The following TMEM19 variants were observed in gnomAD, a reference collection of about 807,000 sequenced individuals.
TMEM19 encodes the protein transmembrane protein 19.
TMEM19 carries 21 observed loss-of-function variants against 33.6 expected under a neutral mutation model. The ratio of observed to expected loss-of-function variants is 0.62; its 90% CI spans 0.44 to 0.90. TMEM19 has a LOEUF of 0.90. TMEM19 is among the 40% of genes least tolerant of loss of function. The pLI, the probability that TMEM19 is intolerant of heterozygous loss-of-function variation, is 0.00. For synonymous variants in TMEM19, 149 were observed against 147.5 expected, an observed-to-expected ratio of 1.01 and a Z score of -0.07; for missense variants, 402 against 401.8, an observed-to-expected ratio of 1.00 and a Z score of 0.00.
At position 71,703,889 on chromosome 12, in the gene TMEM19, T is replaced by C; in HGVS notation, c.*2894T>C. On this transcript the variant is annotated 3_prime_UTR_variant, in exon 6 of 6. Transcript: ENST00000266673. ...GAAATTGTGTCTCTGTCCTTTTTTT[T>C]TTTTTTTGTTAAGTCTTACATGTAT... 1.2e-5 allele frequency: 3 copies of C among 244,270 alleles called. No homozygotes were observed. Among genetic ancestry groups the C allele is most frequent in the South Asian group, 1.2e-4 (3 of 25,002 alleles). The allele number at this position is 244,270 out of a possible 1,614,324, so 15.1% of individuals were successfully genotyped here. A position where few individuals can be genotyped will look rare whatever the true frequency, so the allele number is the denominator to read the frequency against.
chr12:71,691,246 A>G (rs1881780156), intron 2 of TMEM19, among the ~76,000 whole-genome samples: 1 of 152,196 alleles, frequency 6.6e-6, no homozygotes, highest in Admixed American at 6.5e-5. Context: ...GGGGTAATTG[A>G]GAATTAAAGT....
rs1881698615 is a variant in TMEM19 at position 71,686,817 on chromosome 12, C to CT, written c.130+8dup. 6.3e-7 allele frequency: 1 copy of CT among 1,598,018 alleles called. No individual in the cohort carries two copies. Among genetic ancestry groups the CT allele is most frequent in the African/African-American group, 1.3e-5 (1 of 74,126 alleles). ...ACTGCAAGCACCTATTATGGTAAGTCTGAGTGTTCTAAGTTGTTTCTCTGT... is the reference window on the plus strand; with the variant it reads ...ACTGCAAGCACCTATTATGGTAAGTCTTGAGTGTTCTAAGTTGTTTCTCTGT... On this transcript the variant is annotated splice_region_variant and intron_variant, in intron 1 of 5. Coordinates refer to ENST00000266673, the MANE Select transcript of TMEM19 (RefSeq NM_018279.4).
intron 1 of TMEM19, among the ~76,000 whole-genome samples, chr12:71,687,316 C>T (rs1298295131): frequency 5.3e-5 from 8 of 152,294 alleles, no homozygotes; most frequent in East Asian, 1.9e-4. Context: ...CGGTGGCTCA[C>T]GCCTGTTATC....
chr12:71,697,647 A>G, intron 4 of TMEM19, 113 bp downstream of exon 4: 3 of 1,345,074 alleles, frequency 2.2e-6, no homozygotes, highest in Non-Finnish European at 3.0e-6. Flanking sequence ...AGAGCCTTTT[A>G]AGAACTTTAT....
intron 2 of TMEM19, among the ~76,000 whole-genome samples, chr12:71,695,133 G>T (rs1279585504): frequency 6.6e-6 from 1 of 152,188 alleles, no homozygotes; most frequent in Non-Finnish European, 1.5e-5. Context: ...GGAGATAGCA[G>T]TTACTAATCT....
chr12:71,693,246 T>C (rs1212808501), intron 2 of TMEM19, among the ~76,000 whole-genome samples: 1 of 151,750 alleles, frequency 6.6e-6, no homozygotes, highest in African/African-American at 2.4e-5. Context: ...ACCCAGGCTG[T>C]AGTGCAGTGA....
intron 2 of TMEM19, among the ~76,000 whole-genome samples, chr12:71,692,905 A>T (rs1412352375): frequency 1.3e-5 from 2 of 151,988 alleles, no homozygotes; most frequent in Non-Finnish European, 2.9e-5. Flanking sequence ...TGTAAAAAAA[A>T]AAATTATGGC....
In TMEM19 at chr12:71,698,916, T is replaced by C. The variant is rs761190487; in HGVS notation, c.654T>C (p.Val218=). The C allele has an allele frequency of 6.2e-7, 1 of 1,614,208 alleles. No individual in the cohort carries two copies. Among genetic ancestry groups the C allele is most frequent in the South Asian group, 1.1e-5 (1 of 91,086 alleles). The stretch of plus-strand genomic sequence containing the variant: ...CTTCTTCAGGTACCAATGGAGGAGT[T>C]ACAGTGGTGGGCCTTGTCTCCAGTC... ...EKVPVGTNGG[V]TVVGLVSSLL... is the part of the protein sequence containing the mutation. Residue 218 remains valine (V), a synonymous_variant, in exon 5 of 6, where the codon GTT becomes GTC. Transcript: ENST00000266673.
In TMEM19 at chr12:71,686,785, A is replaced by G. The variant is rs746025972; in HGVS notation, c.105A>G (p.Ile35Met). Reference protein sequence around the residue: ...IICISLAFWIISMTASTYYGN... With the variant: ...IICISLAFWIMSMTASTYYGN... ...GCATTTCGTTAGCTTTCTGGATTAT[A>G]TCAATGACTGCAAGCACCTATTATG... Residue 35 changes from isoleucine to methionine, a missense_variant, in exon 1 of 6, where the codon ATA becomes ATG. Transcript: ENST00000266673. 6.2e-7 allele frequency: 1 copy of G among 1,612,318 alleles called. No homozygotes were observed. The highest frequency in any genetic ancestry group is 2.2e-5 in the East Asian group (1 of 44,834).
Position 71,696,583 on chromosome 12 carries a change from T to C in TMEM19, c.382+10T>C. The stretch of plus-strand genomic sequence containing the variant: ...TCAGAATATAAGGAAGGTAAAATTA[T>C]GTTTGATATCATTCAAAATAGTAAA... On this transcript the variant is annotated intron_variant, in intron 3 of 5. Transcript: ENST00000266673. The C allele has an allele frequency of 1.3e-6, 2 of 1,582,722 alleles. No homozygotes were observed. Among genetic ancestry groups the C allele is most frequent in the Non-Finnish European group, 1.7e-6 (2 of 1,167,136 alleles).
chr12:71,697,506 G>T lies in TMEM19; in HGVS notation c.609G>T (p.Leu203=). 6.3e-7 allele frequency: 1 copy of T among 1,580,692 alleles called. No individual in the cohort carries two copies. The highest frequency in any genetic ancestry group is 8.6e-7 in the Non-Finnish European group (1 of 1,168,844). ...GPVLSKSSPR[L]ITTWEKVPVG... ...TTCTGAGTAAAAGTTCTCCAAGACT[G>T]ATAACAACCTGGGAGAAAGTTCCAG... The change falls in exon 4 of 6, where the codon CTG becomes CTT. Residue 203 remains leucine (L), a synonymous_variant. Transcript: ENST00000266673.
intron 3 of TMEM19, 100 bp downstream of exon 3, chr12:71,696,673 G>A: frequency 1.8e-6 from 2 of 1,113,312 alleles, no homozygotes; most frequent in South Asian, 3.8e-5. Context: ...TTGAGACGGA[G>A]TCTTGCTCTG....
rs777364176 is a variant in TMEM19 at position 71,697,338 on chromosome 12, C to A, written c.441C>A (p.Ala147=). 6.2e-7 allele frequency: 1 copy of A among 1,610,632 alleles called. No individual in the cohort carries two copies. Among genetic ancestry groups the A allele is most frequent in the East Asian group, 2.2e-5 (1 of 44,660 alleles). Residue 147 remains alanine, a synonymous_variant, in exon 4 of 6, where the codon GCC becomes GCA. Coordinates refer to ENST00000266673, the MANE Select transcript of TMEM19 (RefSeq NM_018279.4). The part of the protein sequence containing the change: ...FCNGAVPTEL[A]LLYMIENGPG... Reference sequence around the variant, plus strand: ...ATGGAGCTGTACCCACAGAACTGGCCCTGCTGTACATGATAGAAAATGGCC... The same window carrying A: ...ATGGAGCTGTACCCACAGAACTGGCACTGCTGTACATGATAGAAAATGGCC...
Position 71,686,726 on chromosome 12 carries a change from ATAAC to A in TMEM19, c.50_53del (p.Thr17IlefsTer2). 6.2e-7 allele frequency: 1 copy of A among 1,612,174 alleles called. No individual in the cohort carries two copies. The highest frequency in any genetic ancestry group is 1.3e-5 in the African/African-American group (1 of 75,008). On this transcript the variant is annotated frameshift_variant, in exon 1 of 6. Coordinates refer to ENST00000266673, the MANE Select transcript of TMEM19 (RefSeq NM_018279.4). LOFTEE classifies it high-confidence loss of function. ...TATATGCAAAAGATATATAAAGATG[ATAAC>A]TAATATAGTTATACTGAGCCTGATC...
At chr12:71,699,236 G>T in intron 5 of TMEM19, 127 bp downstream of exon 5, 1 of 944,904 alleles carries the variant, frequency 1.1e-6, no homozygotes, top group South Asian at 1.6e-5. Context: ...AAATGATAGG[G>T]CAAAGTCTCT....
intron 5 of TMEM19, 129 bp from the exon 6 acceptor site, chr12:71,700,702 GT>G (rs1335484418): frequency 1.1e-6 from 1 of 878,158 alleles, no homozygotes; most frequent in East Asian, 3.0e-5. Flanking sequence ...AGCCTATTTT[GT>G]TCTTTTTTTA....
intron 2 of TMEM19, among the ~76,000 whole-genome samples, chr12:71,694,230 G>C (rs1424757650): frequency 6.6e-6 from 1 of 152,166 alleles, no homozygotes; most frequent in Non-Finnish European, 1.5e-5. Context: ...CTTGGAGAGA[G>C]AGCGAGCATT....
chr12:71,694,397 C>G (rs905078415), intron 2 of TMEM19, among the ~76,000 whole-genome samples: 19 of 152,184 alleles, frequency 1.2e-4, no homozygotes, highest in African/African-American at 4.6e-4. Flanking sequence ...TACTTTGGGT[C>G]TGGTTTCAGT....
rs1009285814 is a variant in TMEM19 at position 71,701,600 on chromosome 12, A to C, written c.*605A>C. 3 of 152,236 alleles carry C rather than the reference A, an allele frequency of 2.0e-5. No homozygotes were observed. Among genetic ancestry groups the C allele is most frequent in the Non-Finnish European group, 4.4e-5 (3 of 68,040 alleles). The allele number at this position is 152,236 out of a possible 1,614,324, so 9.4% of individuals were successfully genotyped here. A position where few individuals can be genotyped will look rare whatever the true frequency, so the allele number is the denominator to read the frequency against. ...TTCCTCAGGGTTAGTGATGAAAAAA[A>C]GTAAATATCTTTTTCATATGTCCAT... On this transcript the variant is annotated 3_prime_UTR_variant, in exon 6 of 6. Coordinates refer to ENST00000266673, the MANE Select transcript of TMEM19 (RefSeq NM_018279.4).
Sources: gnomAD v4.1 joint callset for allele counts (sites outside exome capture counted in the v4.1 genomes callset) on GRCh38, gnomAD v4.1.1 for gene constraint, MANE v1.5 for transcripts, NCBI Gene and HGNC (gene_info 2026-07-23, HGNC 2026-07-21) for gene names.